The following DERL3 variants were observed in gnomAD, a reference collection of about 807,000 sequenced individuals.
The protein encoded by DERL3 is derlin 3.
A neutral mutation model predicts 23.8 loss-of-function variants in DERL3; 20 were observed. The ratio of observed to expected loss-of-function variants is 0.84; its 90% CI spans 0.59 to 1.22. The LOEUF (loss-of-function observed/expected upper bound fraction) is 1.22. Ranked by LOEUF, DERL3 falls within the 50% of genes most tolerant of loss-of-function variation. The pLI is 0.00. For missense variants in DERL3, 319 were observed against 304.1 expected, an observed-to-expected ratio of 1.05 and a Z score of -0.36; for synonymous variants, 145 against 132.5, an observed-to-expected ratio of 1.09 and a Z score of -0.65.
rs1002521151 is a variant in DERL3, at chr22:23,838,831, C to T, written c.94-55G>A. ...CCCGGGAGCCACGCCGTAACCATGG[C>T]GACCCTCACCCCTCCCGCCAGAGGC... is the stretch of plus-strand genomic sequence containing the variant. On this transcript the variant is annotated intron_variant, in intron 1 of 6. Coordinates refer to ENST00000318109, the MANE Select transcript of DERL3 (RefSeq NM_001002862.3). 5.2e-6 allele frequency: 8 copies of T among 1,550,580 alleles called. No individual in the cohort carries two copies. The African/African-American group carries it at 8.2e-5, about 16-fold the overall frequency.
chr22:23,835,508 G>T lies in DERL3; in HGVS notation c.*1361C>A. Reference sequence around the variant, plus strand: ...GGTTCTTGGTCGCTGAGATGTGAGAGGAGGGCTCCTTTGAGCACATGTTAG... The same window carrying T: ...GGTTCTTGGTCGCTGAGATGTGAGATGAGGGCTCCTTTGAGCACATGTTAG... On this transcript the variant is annotated 3_prime_UTR_variant, in exon 7 of 7. Coordinates refer to ENST00000318109, the MANE Select transcript of DERL3 (RefSeq NM_001002862.3). 4.1e-6 allele frequency: 4 copies of T among 985,588 alleles called. No homozygotes were observed. The highest frequency in any genetic ancestry group is 1.7e-5 in the African/African-American group (1 of 57,384). 61.1% of individuals were successfully genotyped at this position (985,588 alleles called of 1,614,324 possible).
rs1276607378 is a variant in DERL3, at chr22:23,838,645, G to A, written c.160-8C>T. 1 of 1,563,642 alleles carries A rather than the reference G, an allele frequency of 6.4e-7. No individual in the cohort carries two copies. The highest frequency in any genetic ancestry group is 1.4e-5 in the African/African-American group (1 of 73,518). On this transcript the variant is annotated splice_polypyrimidine_tract_variant and splice_region_variant and intron_variant, in intron 2 of 6. Coordinates refer to ENST00000318109, the MANE Select transcript of DERL3 (RefSeq NM_001002862.3). ...GGTGACGAGCCTCCAGACCTACGGGGGACGGGCGGTCAGGTGCGGGGTGGG... is the reference window on the plus strand; with the variant it reads ...GGTGACGAGCCTCCAGACCTACGGGAGACGGGCGGTCAGGTGCGGGGTGGG...
In DERL3 at chr22:23,838,460, T is replaced by C; in HGVS notation, c.234-15A>G. 6.3e-7 allele frequency: 1 copy of C among 1,592,802 alleles called. No homozygotes were observed. Among genetic ancestry groups the C allele is most frequent in the Non-Finnish European group, 8.6e-7 (1 of 1,169,304 alleles). On this transcript the variant is annotated splice_polypyrimidine_tract_variant and intron_variant, in intron 3 of 6. Transcript: ENST00000318109. ...AGTAGCGGAACCTACGGCGTCGGTA[T>C]AGGAAGTGCCACCAGGCGGGGCCTC...
chr22:23,838,808 C>T lies in DERL3; in HGVS notation c.94-32G>A, dbSNP rs577231929. On this transcript the variant is annotated intron_variant, in intron 1 of 6. Coordinates refer to ENST00000318109, the MANE Select transcript of DERL3 (RefSeq NM_001002862.3). The stretch of plus-strand genomic sequence containing the variant: ...AACCAGGGGCCAGTCAAGAGCTGCC[C>T]GGGAGCCACGCCGTAACCATGGCGA... The T allele has an allele frequency of 4.5e-6, 7 of 1,551,072 alleles. No homozygotes were observed. In the South Asian group the frequency reaches 5.9e-5, roughly 13 times the overall value.
chr22:23,837,614 G>A (rs752508926), intron 5 of DERL3, 45 bp downstream of exon 5: 39 of 1,586,086 alleles, frequency 2.5e-5, no homozygotes, highest in Admixed American at 1.0e-4. Context: ...GTGTCCTGAG[G>A]GGAGTGGCCA....
rs1160584789 is a variant in DERL3, at chr22:23,838,662, C to T, written c.160-25G>A. 6.3e-5 allele frequency: 6 copies of T among 94,620 alleles called. No individual in the cohort carries two copies. The East Asian group carries it at 2.0e-3, about 32-fold the overall frequency. The allele number at this position is 94,620 out of a possible 1,614,324, so 5.9% of individuals were successfully genotyped here. A position where few individuals can be genotyped will look rare whatever the true frequency, so the allele number is the denominator to read the frequency against. On this transcript the variant is annotated intron_variant, in intron 2 of 6. Transcript: ENST00000318109. ...CCTACGGGGGACGGGCGGTCAGGTGCGGGGTGGGTGGGTCGGGCCCACAGG... is the reference window on the plus strand; with the variant it reads ...CCTACGGGGGACGGGCGGTCAGGTGTGGGGTGGGTGGGTCGGGCCCACAGG...
chr22:23,836,678 G>A lies in DERL3; in HGVS notation c.*191C>T, dbSNP rs1378984957. The A allele has an allele frequency of 7.7e-6, 10 of 1,301,670 alleles. No homozygotes were observed. Among genetic ancestry groups the A allele is most frequent in the Middle Eastern group, 2.8e-4 (1 of 3,570 alleles). 80.6% of individuals were successfully genotyped at this position (1,301,670 alleles called of 1,614,324 possible). On this transcript the variant is annotated 3_prime_UTR_variant, in exon 7 of 7. Transcript: ENST00000318109. Reference sequence around the variant, plus strand: ...GCCACACTGAGTGAGGACGGGGCAGGCATAGAAGGATGTGGCCAGGTGAGA... The same window carrying A: ...GCCACACTGAGTGAGGACGGGGCAGACATAGAAGGATGTGGCCAGGTGAGA...
Position 23,838,377 on chromosome 22 carries a change from A to G in DERL3, c.302T>C (p.Phe101Ser), listed in dbSNP as rs778566472. The G allele has an allele frequency of 1.2e-6, 2 of 1,610,154 alleles. No individual in the cohort carries two copies. The highest frequency in any genetic ancestry group is 8.5e-7 in the Non-Finnish European group (1 of 1,178,370). The change falls in exon 4 of 7, where the codon TTT becomes TCT. Residue 101 changes from phenylalanine to serine, a missense_variant. Phe to Ser is a radical substitution (Grantham distance 155, BLOSUM62 -2). Coordinates refer to ENST00000318109, the MANE Select transcript of DERL3 (RefSeq NM_001002862.3). ...RGRTADFVFM[F>S]LFGGVLMTLL... Reference sequence around the variant, plus strand: ...GGTCATAAGGACGCCCCCGAAGAGAAACATGAAGACGAAGTCGGCCGTGCG... The same window carrying G: ...GGTCATAAGGACGCCCCCGAAGAGAGACATGAAGACGAAGTCGGCCGTGCG...
rs950453239 is a variant in DERL3 at position 23,837,497 on chromosome 22, AGG to A, written c.523+160_523+161del. 8 of 759,574 alleles carry A rather than the reference AGG, an allele frequency of 1.1e-5. No individual in the cohort carries two copies. The African/African-American group carries it at 1.1e-4, about 10-fold the overall frequency. The allele number at this position is 759,574 out of a possible 1,614,324, so 47.1% of individuals were successfully genotyped here. ...CAAATTATGTGGGCCGGCTGGCTTG[AGG>A]GGCTGTAAGAGCACAGCAGCTGGGA... On this transcript the variant is annotated intron_variant, in intron 5 of 6. Transcript: ENST00000318109.
intron 3 of DERL3, 54 bp downstream of exon 3, chr22:23,838,510 C>T: frequency 6.4e-7 from 1 of 1,572,328 alleles, no homozygotes; most frequent in Admixed American, 1.9e-5. Flanking sequence ...GGCCTCTCTC[C>T]CAGCCCGGCC....
chr22:23,837,439 C>T (rs530356685), intron 5 of DERL3: 24 of 646,742 alleles, frequency 3.7e-5, no homozygotes, highest in South Asian at 1.6e-4. Context: ...CCATCAGGAC[C>T]GTGCAAGCAT....
At position 23,838,339 on chromosome 22, in the gene DERL3, G is replaced by A. The variant is rs1246495008; in HGVS notation, c.327+13C>T. ...GCCCTAGCCCGAGGTTCCAGAGCCT[G>A]CGGGAAGGATACGGTCATAAGGACG... On this transcript the variant is annotated intron_variant, in intron 4 of 6. Coordinates refer to ENST00000318109, the MANE Select transcript of DERL3 (RefSeq NM_001002862.3). The A allele has an allele frequency of 6.3e-7, 1 of 1,593,466 alleles. No individual in the cohort carries two copies. The highest frequency in any genetic ancestry group is 8.5e-7 in the Non-Finnish European group (1 of 1,170,426).
rs56680899 is a variant in DERL3, at chr22:23,835,289, G to A, written c.*1580C>T. 0.014 allele frequency: 14,981 copies of A among 1,059,750 alleles called. 1,632 individuals are homozygous for A. The African/African-American group carries it at 0.23, about 16-fold the overall frequency. 65.6% of individuals were successfully genotyped at this position (1,059,750 alleles called of 1,614,324 possible). A position where few individuals can be genotyped will look rare whatever the true frequency, so the allele number is the denominator to read the frequency against. ...ACAGGATCTGGGAGGGCAGCAAACT[G>A]GCTCGCAGCTCCAGCCTTACTGAAG... On this transcript the variant is annotated 3_prime_UTR_variant, in exon 7 of 7. Transcript: ENST00000318109.
Position 23,835,087 on chromosome 22 carries a change from A to T in DERL3, c.*1782T>A. ...TGGCCTGGGCCAGCTCCTGCCTTACAAGCCAGCTGTGAGGAATATGGGAAT... is the reference window on the plus strand; with the variant it reads ...TGGCCTGGGCCAGCTCCTGCCTTACTAGCCAGCTGTGAGGAATATGGGAAT... On this transcript the variant is annotated 3_prime_UTR_variant, in exon 7 of 7. Coordinates refer to ENST00000318109, the MANE Select transcript of DERL3 (RefSeq NM_001002862.3). 8.6e-6 allele frequency: 12 copies of T among 1,393,374 alleles called. No homozygotes were observed. In the South Asian group the frequency reaches 2.0e-4, roughly 23 times the overall value. 86.3% of individuals were successfully genotyped at this position (1,393,374 alleles called of 1,614,324 possible). A position where few individuals can be genotyped will look rare whatever the true frequency, so the allele number is the denominator to read the frequency against.
At chr22:23,838,860 A>G (rs1170705483) in intron 1 of DERL3, 35 bp downstream of exon 1, 1 of 1,550,740 alleles carries the variant, frequency 6.4e-7, no homozygotes, top group African/African-American at 1.4e-5. Context: ...CAGAGGCTGT[A>G]ACCAAGGCGA....
At position 23,836,770 on chromosome 22, in the gene DERL3, T is replaced by A. The variant is rs766304663; in HGVS notation, c.*99A>T. 22 of 1,394,664 alleles carry A rather than the reference T, an allele frequency of 1.6e-5. No homozygotes were observed. The highest frequency in any genetic ancestry group is 1.9e-5 in the Non-Finnish European group (20 of 1,075,814). 86.4% of individuals were successfully genotyped at this position (1,394,664 alleles called of 1,614,324 possible). On this transcript the variant is annotated 3_prime_UTR_variant, in exon 7 of 7. Coordinates refer to ENST00000318109, the MANE Select transcript of DERL3 (RefSeq NM_001002862.3). ...CTGTTTATTCAGGTGGGCCCTTGCA[T>A]GGGCCCAGCCTTTAGGATGGGTTTT...
rs2031069425 is a variant in DERL3 at position 23,836,635 on chromosome 22, C to T, written c.*234G>A. On this transcript the variant is annotated 3_prime_UTR_variant, in exon 7 of 7. Transcript: ENST00000318109. Reference sequence around the variant, plus strand: ...TCTGTGGGCACCCCTATCCTACCACCTGCAGTTGGGCTGAGAGGCCACACT... The same window carrying T: ...TCTGTGGGCACCCCTATCCTACCACTTGCAGTTGGGCTGAGAGGCCACACT... The T allele has an allele frequency of 8.1e-7, 1 of 1,241,176 alleles. No homozygotes were observed. Among genetic ancestry groups the T allele is most frequent in the Non-Finnish European group, 1.0e-6 (1 of 995,978 alleles). 76.9% of individuals were successfully genotyped at this position (1,241,176 alleles called of 1,614,324 possible).
intron 5 of DERL3, 82 bp downstream of exon 5, chr22:23,837,577 G>C (rs1555882487): frequency 2.8e-6 from 4 of 1,420,764 alleles, no homozygotes; most frequent in Non-Finnish European, 3.8e-6. Flanking sequence ...AGCAAGGATG[G>C]GAGAGGGGCC....
Position 23,835,075 on chromosome 22 carries a change from C to A in DERL3, c.*1794G>T. ...CAGCAGGTGCTGTGGCCTGGGCCAG[C>A]TCCTGCCTTACAAGCCAGCTGTGAG... is the stretch of plus-strand genomic sequence containing the variant. On this transcript the variant is annotated 3_prime_UTR_variant, in exon 7 of 7. Transcript: ENST00000318109. 2.1e-6 allele frequency: 3 copies of A among 1,399,106 alleles called. No individual in the cohort carries two copies. The highest frequency in any genetic ancestry group is 2.8e-6 in the Non-Finnish European group (3 of 1,079,616). 86.7% of individuals were successfully genotyped at this position (1,399,106 alleles called of 1,614,324 possible). A position where few individuals can be genotyped will look rare whatever the true frequency, so the allele number is the denominator to read the frequency against.
Sources: gnomAD v4.1 joint callset for allele counts on GRCh38, gnomAD v4.1.1 for gene constraint, MANE v1.5 for transcripts, NCBI Gene and HGNC (gene_info 2026-07-23, HGNC 2026-07-21) for gene names.